The following DGLUCY variants were observed in gnomAD, a reference collection of about 807,000 sequenced individuals.
DGLUCY encodes D-glutamate cyclase.
A neutral mutation model predicts 58.5 loss-of-function variants in DGLUCY; 58 were observed. The ratio of observed to expected loss-of-function variants is 0.99; its 90% CI spans 0.80 to 1.23. The LOEUF is 1.23. DGLUCY is among the 50% of genes most tolerant of loss of function. DGLUCY has a pLI of 0.00. For missense variants in DGLUCY, 779 were observed against 784.7 expected (o/e 0.99, Z 0.09); for synonymous variants, 325 against 314.1 (o/e 1.03, Z -0.37).
rs116659399 is a variant in DGLUCY at position 91,181,228 on chromosome 14, T to C, written c.773T>C (p.Met258Thr). ...GCCAGCATCCCAGGCTGCACAGTTATGACTGACCTGAAGGATGCAAAGGCT... is the reference window on the plus strand; with the variant it reads ...GCCAGCATCCCAGGCTGCACAGTTACGACTGACCTGAAGGATGCAAAGGCT... ...AFASIPGCTV[M>T]TDLKDAKAPP... Residue 258 changes from methionine to threonine, a missense_variant, in exon 8 of 14, where the codon ATG becomes ACG. Transcript: ENST00000256324. 7.4e-5 allele frequency: 119 copies of C among 1,614,172 alleles called. No individual in the cohort carries two copies. The African/African-American group carries it at 1.0e-3, about 14-fold the overall frequency.
At chr14:91,190,823 G>A (rs534506845) in intron 9 of DGLUCY, among the ~76,000 whole-genome samples, 1 of 152,182 alleles carries the variant, frequency 6.6e-6, no homozygotes, top group Non-Finnish European at 1.5e-5. Flanking sequence ...GGGAGCCTGG[G>A]ATTTCTCTGA....
At chr14:91,196,079 G>A (rs1050391975) in intron 9 of DGLUCY, among the ~76,000 whole-genome samples, 2 of 152,310 alleles carry the variant, frequency 1.3e-5, no homozygotes, top group East Asian at 3.9e-4. Context: ...ATGGCAGTGG[G>A]CCAGAACAGG....
intron 9 of DGLUCY, among the ~76,000 whole-genome samples, chr14:91,192,550 G>A (rs551854088): frequency 3.0e-4 from 46 of 152,210 alleles, no homozygotes; most frequent in Middle Eastern, 6.8e-3. Flanking sequence ...CAGGCAGATC[G>A]CTTGAGGTCA....
upstream of DGLUCY, among the ~76,000 whole-genome samples, chr14:91,111,248 G>GTGTATATA (rs1555391921): frequency 8.6e-5 from 7 of 81,154 alleles, no homozygotes; most frequent in African/African-American, 3.0e-4. Context: ...GTGTGTGTGT[G>GTGTATATA]TATATATCTA....
intron 12 of DGLUCY, among the ~76,000 whole-genome samples, chr14:91,211,727 A>G (rs1885704863): frequency 6.6e-6 from 1 of 152,250 alleles, no homozygotes; most frequent in Non-Finnish European, 1.5e-5. Flanking sequence ...ACAAAACTAT[A>G]AAACTCCTGT....
intron 5 of DGLUCY, among the ~76,000 whole-genome samples, chr14:91,172,393 A>C (rs1338877048): frequency 2.0e-5 from 3 of 152,042 alleles, no homozygotes. Flanking sequence ...TTTTATTTTC[A>C]TAACCTCAAC....
At chr14:91,212,976 G>T (rs1010498841) in intron 12 of DGLUCY, among the ~76,000 whole-genome samples, 1 of 149,698 alleles carries the variant, frequency 6.7e-6, no homozygotes, top group Non-Finnish European at 1.5e-5. Flanking sequence ...ACTCCAGCCC[G>T]GGTGACAGAG....
chr14:91,066,503 G>A (rs2043824580), intron 1 of DGLUCY, among the ~76,000 whole-genome samples: 1 of 151,668 alleles, frequency 6.6e-6, no homozygotes, highest in Non-Finnish European at 1.5e-5. Context: ...GCCTATGTCT[G>A]TGGCACCATT....
At chr14:91,152,452 G>A (rs1481190239) in intron 1 of DGLUCY, among the ~76,000 whole-genome samples, 11 of 152,028 alleles carry the variant, frequency 7.2e-5, no homozygotes, top group Admixed American at 6.6e-5. Flanking sequence ...TTTGCATGTG[G>A]GGAGCCCTTG....
intron 12 of DGLUCY, among the ~76,000 whole-genome samples, chr14:91,213,057 G>A (rs1885939861): frequency 6.7e-6 from 1 of 150,312 alleles, no homozygotes; most frequent in East Asian, 2.0e-4. Context: ...GATCATTTCA[G>A]TCCAAGAGTT....
intron 1 of DGLUCY, among the ~76,000 whole-genome samples, chr14:91,123,541 G>A (rs2045511069): frequency 6.6e-6 from 1 of 152,114 alleles, no homozygotes. Flanking sequence ...CACTCATGGA[G>A]CCTAGTGCAT....
In DGLUCY at chr14:91,114,194, G is replaced by A. The variant is rs937816147; in HGVS notation, c.-171G>A. 7.9e-5 allele frequency: 12 copies of A among 152,310 alleles called. No individual in the cohort carries two copies. The highest frequency in any genetic ancestry group is 2.9e-4 in the African/African-American group (12 of 41,462). 9.4% of individuals were successfully genotyped at this position (152,310 alleles called of 1,614,324 possible). A position where few individuals can be genotyped will look rare whatever the true frequency, so the allele number is the denominator to read the frequency against. ...AGAGCAGAAGAAAGGGGGCCTTTAT[G>A]CCCTTTTGAGGGAAGCACACATTCT... On this transcript the variant is annotated 5_prime_UTR_variant, in exon 1 of 14. The change abolishes an upstream ATG in the 5' untranslated region. Coordinates refer to ENST00000256324, the MANE Select transcript of DGLUCY (RefSeq NM_001102368.3).
intron 1 of DGLUCY, among the ~76,000 whole-genome samples, chr14:91,138,809 G>A (rs1012632789): frequency 6.6e-6 from 1 of 152,228 alleles, no homozygotes. Flanking sequence ...TACAATTTGA[G>A]ATGAGATTTG....
chr14:91,079,411 G>T (rs1433231468), intron 1 of DGLUCY, among the ~76,000 whole-genome samples: 1 of 145,346 alleles, frequency 6.9e-6, no homozygotes, highest in African/African-American at 2.6e-5. Context: ...CTGGAGTGCC[G>T]TGGTGCAGTC....
At chr14:91,196,744 T>TA (rs146566022) in intron 10 of DGLUCY, among the ~76,000 whole-genome samples, 1,470 of 94,808 alleles carry the variant, frequency 0.016, 14 homozygotes, top group Admixed American at 0.024. Context: ...GACATAGCAC[T>TA]AAAAAAAAAA....
chr14:91,214,088 C>A (rs1886146047), intron 12 of DGLUCY, among the ~76,000 whole-genome samples: 1 of 151,236 alleles, frequency 6.6e-6, no homozygotes, highest in African/African-American at 2.4e-5. Flanking sequence ...CCTCTTCTGG[C>A]AAAATTTTAC....
At chr14:91,125,175 C>T (rs1437462424) in intron 1 of DGLUCY, among the ~76,000 whole-genome samples, 1 of 152,136 alleles carries the variant, frequency 6.6e-6, no homozygotes, top group Admixed American at 6.6e-5. Flanking sequence ...GTTCTATATA[C>T]TCATGGGGCA....
At chr14:91,219,404 T>C (rs1386346918) in intron 13 of DGLUCY, among the ~76,000 whole-genome samples, 1 of 152,094 alleles carries the variant, frequency 6.6e-6, no homozygotes, top group Admixed American at 6.5e-5. Context: ...AGCCGTACAG[T>C]GTGCAGAGGA....
chr14:91,145,031 A>T (rs561041823), intron 1 of DGLUCY, among the ~76,000 whole-genome samples: 1 of 152,040 alleles, frequency 6.6e-6, no homozygotes, highest in East Asian at 1.9e-4. Context: ...GTTTCCTCCT[A>T]TTATAGAGCC....
Sources: allele counts gnomAD v4.1 joint callset (sites outside exome capture counted in the v4.1 genomes callset), GRCh38; gene constraint gnomAD v4.1.1; transcripts MANE v1.5; gene names NCBI Gene and HGNC (gene_info 2026-07-23, HGNC 2026-07-21).